TMEM182: variants seen among roughly 807,000 people sequenced by gnomAD.
The protein encoded by TMEM182 is transmembrane protein 182.
TMEM182 carries 20 observed loss-of-function variants against 26.8 expected under a neutral mutation model. The ratio of observed to expected loss-of-function variants is 0.75; its 90% CI spans 0.53 to 1.09. The LOEUF (loss-of-function observed/expected upper bound fraction) is 1.09. Among genes scored for constraint, TMEM182 ranks in the 50% least tolerant of loss-of-function variants. The pLI is 0.00. For missense variants in TMEM182, 277 were observed against 275.5 expected (o/e 1.01, Z -0.04); for synonymous variants, 109 against 102.2 (o/e 1.07, Z -0.40).
At chr2:102,770,896 G>A (rs1291486623) in intron 3 of TMEM182, among the ~76,000 whole-genome samples, 3 of 152,128 alleles carry the variant, frequency 2.0e-5, no homozygotes, top group Admixed American at 2.0e-4. Context: ...AGCACAGGAA[G>A]AATTAAGATT....
At chr2:102,794,155 A>G (rs773356420) in intron 3 of TMEM182, among the ~76,000 whole-genome samples, 1 of 152,218 alleles carries the variant, frequency 6.6e-6, no homozygotes, top group Non-Finnish European at 1.5e-5. Context: ...TCATTCTTCT[A>G]ATAGTTCTAA....
intron 3 of TMEM182, among the ~76,000 whole-genome samples, chr2:102,842,421 C>T (rs2104784802): frequency 6.6e-6 from 1 of 152,302 alleles, no homozygotes; most frequent in Non-Finnish European, 1.5e-5. Context: ...ACCTGCTGCC[C>T]TCACACAGCT....
chr2:102,817,256 A>G lies in TMEM182; in HGVS notation c.*2288A>G. On this transcript the variant is annotated 3_prime_UTR_variant, in exon 5 of 5. Coordinates refer to ENST00000412401, the MANE Select transcript of TMEM182 (RefSeq NM_144632.5). Reference sequence around the variant, plus strand: ...TTATGTTTATTTCTCTATTGGTTGTATTTATTAATTTTTAGAAGCCTTTAA... The same window carrying G: ...TTATGTTTATTTCTCTATTGGTTGTGTTTATTAATTTTTAGAAGCCTTTAA... 1.0e-6 allele frequency: 1 copy of G among 985,232 alleles called. No homozygotes were observed. Among genetic ancestry groups the G allele is most frequent in the Non-Finnish European group, 1.2e-6 (1 of 829,746 alleles). 61.0% of individuals were successfully genotyped at this position (985,232 alleles called of 1,614,324 possible).
chr2:102,790,901 G>A (rs889068033), intron 3 of TMEM182, among the ~76,000 whole-genome samples: 8 of 152,228 alleles, frequency 5.3e-5, no homozygotes, highest in African/African-American at 1.7e-4. Flanking sequence ...AATGTTTAAT[G>A]ATTCAATGAC....
upstream of TMEM182, chr2:102,758,413 T>G: frequency 1.4e-6 from 1 of 715,410 alleles, no homozygotes; most frequent in Admixed American, 2.0e-5. Flanking sequence ...TAGAAGAGTT[T>G]CAAGTGACAG....
chr2:102,800,736 G>A (rs1339979309), intron 4 of TMEM182, among the ~76,000 whole-genome samples: 2 of 151,182 alleles, frequency 1.3e-5, no homozygotes, highest in African/African-American at 2.4e-5. Flanking sequence ...ATTATGGGCA[G>A]CATGATCGTT....
upstream of TMEM182, among the ~76,000 whole-genome samples, chr2:102,759,594 T>C (rs1051358316): frequency 1.8e-4 from 28 of 152,310 alleles, no homozygotes; most frequent in African/African-American, 6.7e-4. Flanking sequence ...ATTGCATTAA[T>C]TATAGAATAG....
intron 4 of TMEM182, among the ~76,000 whole-genome samples, chr2:102,808,000 C>T (rs780715582): frequency 5.3e-5 from 8 of 152,124 alleles, no homozygotes; most frequent in Admixed American, 6.5e-5. Context: ...TTTATGAATG[C>T]AGGGCTAAAG....
At chr2:102,772,644 T>C (rs970454366) in intron 3 of TMEM182, among the ~76,000 whole-genome samples, 2 of 152,140 alleles carry the variant, frequency 1.3e-5, no homozygotes, top group Non-Finnish European at 2.9e-5. Context: ...CCGGTCTGCC[T>C]TCATCACCTG....
intron 3 of TMEM182, among the ~76,000 whole-genome samples, chr2:102,784,051 G>A (rs546506289): frequency 3.4e-4 from 52 of 152,150 alleles, no homozygotes; most frequent in African/African-American, 1.2e-3. Context: ...TTTTTCCAAG[G>A]CATCTGCTGG....
At chr2:102,807,343 T>C (rs1471033420) in intron 4 of TMEM182, among the ~76,000 whole-genome samples, 1 of 152,010 alleles carries the variant, frequency 6.6e-6, no homozygotes, top group East Asian at 1.9e-4. Context: ...GTCAGAAAAT[T>C]GGAGAAAAAA....
intron 1 of TMEM182, among the ~76,000 whole-genome samples, chr2:102,747,097 T>C (rs1679721388): frequency 1.3e-5 from 2 of 152,264 alleles, no homozygotes; most frequent in Admixed American, 1.3e-4. Context: ...CCTCACACGG[T>C]CACCCTGGGA....
rs556866671 is a variant in TMEM182, at chr2:102,738,320, C to T, written c.-83+1307C>T. Among the ~76,000 whole-genome samples the T allele has an allele frequency of 3.9e-5, 6 of 152,236 alleles. 1 individual carries two copies. Among genetic ancestry groups the T allele is most frequent in the African/African-American group, 1.2e-4 (5 of 41,524 alleles). On this transcript the variant is annotated intron_variant, in intron 1 of 5. Transcript: ENST00000409173. ...AAAAGAATTGGAAGTCACGGCCAGG[C>T]GCGGTGGCTCACACCTGTAATCCCA...
chr2:102,773,358 G>T (rs1233431367), intron 3 of TMEM182, among the ~76,000 whole-genome samples: 3 of 151,974 alleles, frequency 2.0e-5, no homozygotes, highest in African/African-American at 7.3e-5. Context: ...GACTAAGGGG[G>T]TGGATATAAA....
In TMEM182 at chr2:102,796,022, G is replaced by C. The variant is rs551368397; in HGVS notation, c.332-1841G>C. 6.6e-5 allele frequency among the ~76,000 whole-genome samples: 10 copies of C among 152,256 alleles called. No individual in the cohort carries two copies. In the South Asian group the frequency reaches 8.3e-4, roughly 13 times the overall value. ...ACGCCTCCACTGGGGCAGCAGTGCA[G>C]ACCTGTATTTAAAGCTGATCTGGAG... is the stretch of plus-strand genomic sequence containing the variant. On this transcript the variant is annotated intron_variant, in intron 3 of 4. Coordinates refer to ENST00000412401, the MANE Select transcript of TMEM182 (RefSeq NM_144632.5).
At chr2:102,843,763 T>A (rs1034273395) in exon 4 of TMEM182, 2 of 152,264 alleles carry the variant, frequency 1.3e-5, no homozygotes, top group African/African-American at 2.4e-5. Flanking sequence ...ATACCATGCC[T>A]TATAAATATT....
chr2:102,813,811 A>G lies in TMEM182; in HGVS notation c.470-937A>G, dbSNP rs115338921. Among the ~76,000 whole-genome samples the G allele has an allele frequency of 2.5e-3, 387 of 152,284 alleles. 2 individuals carry two copies. The highest frequency in any genetic ancestry group is 8.8e-3 in the African/African-American group (367 of 41,536). The stretch of plus-strand genomic sequence containing the variant: ...TCTAATTCCAAGAGTGTTTGGAACC[A>G]GTGGATTACAGTTACGTTGTAATTG... On this transcript the variant is annotated intron_variant, in intron 4 of 4. Transcript: ENST00000412401.
intron 3 of TMEM182, among the ~76,000 whole-genome samples, chr2:102,825,894 G>A (rs1335283812): frequency 1.3e-5 from 2 of 152,180 alleles, no homozygotes; most frequent in Non-Finnish European, 2.9e-5. Flanking sequence ...ACTTCCAGGT[G>A]TTTAGTCTCC....
Position 102,816,859 on chromosome 2 carries a change from T to C in TMEM182, c.*1891T>C, listed in dbSNP as rs2104762338. The C allele has an allele frequency of 4.1e-6, 4 of 985,846 alleles. No homozygotes were observed. In the South Asian group the frequency reaches 1.9e-4, roughly 46 times the overall value. 61.1% of individuals were successfully genotyped at this position (985,846 alleles called of 1,614,324 possible). A position where few individuals can be genotyped will look rare whatever the true frequency, so the allele number is the denominator to read the frequency against. On this transcript the variant is annotated 3_prime_UTR_variant, in exon 5 of 5. Coordinates refer to ENST00000412401, the MANE Select transcript of TMEM182 (RefSeq NM_144632.5). ...CTTTTTCTGGTGTACTGTATGCCAT[T>C]TAAGTTTCACATACAAGCTGCTTTC...
Sources: allele counts gnomAD v4.1 joint callset (sites outside exome capture counted in the v4.1 genomes callset), GRCh38; gene constraint gnomAD v4.1.1; transcripts MANE v1.5; gene names NCBI Gene and HGNC (gene_info 2026-07-23, HGNC 2026-07-21).